RDX: variants seen among roughly 807,000 people sequenced by gnomAD.
RDX encodes radixin.
A neutral mutation model predicts 83.7 loss-of-function variants in RDX; 32 were observed. The ratio of observed to expected loss-of-function variants is 0.38; its 90% CI spans 0.29 to 0.51. The LOEUF (loss-of-function observed/expected upper bound fraction) is 0.51. Among genes scored for constraint, RDX ranks in the 20% least tolerant of loss-of-function variants. The pLI is 0.87. For missense variants in RDX, 600 were observed against 689.9 expected, an observed-to-expected ratio of 0.87 and a Z score of 1.46; for synonymous variants, 229 against 222.7, an observed-to-expected ratio of 1.03 and a Z score of -0.25.
rs75825160 is a variant in RDX, at chr11:110,217,714, C to T, written c.1748+14159G>A. Among the ~76,000 whole-genome samples, 16 of 152,274 alleles carry T rather than the reference C, an allele frequency of 1.1e-4. No homozygotes were observed. In the East Asian group the frequency reaches 3.1e-3, roughly 29 times the overall value. Reference sequence around the variant, plus strand: ...CAAGACCACTACTGCACTGAACATCCACTGAGATACGCCCTCGGCCCTAAA... The same window carrying T: ...CAAGACCACTACTGCACTGAACATCTACTGAGATACGCCCTCGGCCCTAAA... On this transcript the variant is annotated intron_variant, in intron 14 of 15. Coordinates refer to the RDX transcript ENST00000528498.
chr11:110,274,064 C>T (rs1172422951), intron 2 of RDX, among the ~76,000 whole-genome samples: 1 of 152,180 alleles, frequency 6.6e-6, no homozygotes, highest in African/African-American at 2.4e-5. Context: ...CACATTATAG[C>T]TTTCACCTGG....
chr11:110,233,166 C>T lies in RDX; in HGVS notation c.1587+71G>A, dbSNP rs561063117. The stretch of plus-strand genomic sequence containing the variant: ...ATTAAAACTTCTATATTCTTTTTAA[C>T]TAAGTTTGTCTAAGATGGGGAAAAT... On this transcript the variant is annotated intron_variant, in intron 13 of 13. Coordinates refer to ENST00000645495, the MANE Select transcript of RDX (RefSeq NM_002906.4). 1.3e-5 allele frequency: 20 copies of T among 1,581,040 alleles called. No individual in the cohort carries two copies. The African/African-American group carries it at 2.4e-4, about 19-fold the overall frequency.
chr11:110,266,998 G>T (rs1179016625), intron 3 of RDX, among the ~76,000 whole-genome samples: 2 of 151,716 alleles, frequency 1.3e-5, no homozygotes, highest in African/African-American at 4.8e-5. Flanking sequence ...CCCACCCCAG[G>T]CTCAAGTGAT....
At chr11:110,247,588 A>T in intron 10 of RDX, 115 bp downstream of exon 10, 1 of 1,064,864 alleles carries the variant, frequency 9.4e-7, no homozygotes. Context: ...TTTGCCAATT[A>T]AATATACAAT....
intron 14 of RDX, among the ~76,000 whole-genome samples, chr11:110,219,410 G>T (rs1184542839): frequency 1.3e-5 from 2 of 152,204 alleles, no homozygotes; most frequent in African/African-American, 4.8e-5. Context: ...ACCTCCGAAG[G>T]ATTTTGAGCA....
At chr11:110,183,062 T>G (rs990153695) in intron 15 of RDX, among the ~76,000 whole-genome samples, 2 of 152,150 alleles carry the variant, frequency 1.3e-5, no homozygotes, top group Non-Finnish European at 2.9e-5. Context: ...GTCAGCCCAC[T>G]GTGAGGACAG....
At chr11:110,237,808 G>C (rs1181047713) in intron 10 of RDX, 156 bp from the exon 11 acceptor site, 2 of 864,252 alleles carry the variant, frequency 2.3e-6, no homozygotes, top group African/African-American at 3.3e-5. Flanking sequence ...CTTGAGACAG[G>C]GTCTCGCTCT....
chr11:110,222,713 G>A (rs892535685), intron 14 of RDX, among the ~76,000 whole-genome samples: 5 of 152,040 alleles, frequency 3.3e-5, no homozygotes, highest in South Asian at 2.1e-4. Context: ...TGAGAATGGC[G>A]TGAACCCGGG....
At chr11:110,253,066 C>A (rs929620805) in intron 9 of RDX, among the ~76,000 whole-genome samples, 4 of 151,982 alleles carry the variant, frequency 2.6e-5, no homozygotes, top group Non-Finnish European at 5.9e-5. Flanking sequence ...AGGTAAAAAT[C>A]AATAAAATCT....
chr11:110,293,454 C>A (rs759168152), intron 1 of RDX, among the ~76,000 whole-genome samples: 8 of 152,058 alleles, frequency 5.3e-5, no homozygotes, highest in Non-Finnish European at 1.2e-4. Flanking sequence ...GTAGGAAAGG[C>A]AGGATTTCTC....
At chr11:110,179,684 A>G (rs543301968) in intron 15 of RDX, among the ~76,000 whole-genome samples, 10 of 152,174 alleles carry the variant, frequency 6.6e-5, no homozygotes, top group Non-Finnish European at 1.3e-4. Context: ...AAGGCAGGAG[A>G]ATCACTTGAA....
chr11:110,189,981 G>A (rs952095708), intron 15 of RDX, among the ~76,000 whole-genome samples: 3 of 152,178 alleles, frequency 2.0e-5, no homozygotes, highest in African/African-American at 7.2e-5. Context: ...TACTTGGGAG[G>A]CTGAGGCAGG....
At chr11:110,217,190 G>A (rs1253733465) in intron 14 of RDX, among the ~76,000 whole-genome samples, 5 of 152,182 alleles carry the variant, frequency 3.3e-5, no homozygotes, top group Non-Finnish European at 2.9e-5. Flanking sequence ...TCCTGTCCTT[G>A]ATTACATTTT....
At chr11:110,195,109 G>A (rs376318391) in intron 15 of RDX, among the ~76,000 whole-genome samples, 1 of 152,116 alleles carries the variant, frequency 6.6e-6, no homozygotes, top group East Asian at 1.9e-4. Context: ...TCCTGCCTCA[G>A]CCTCCCGAGT....
chr11:110,201,797 G>A (rs879929746), intron 14 of RDX, among the ~76,000 whole-genome samples: 4 of 152,054 alleles, frequency 2.6e-5, no homozygotes, highest in Non-Finnish European at 4.4e-5. Context: ...GTGCAATGGC[G>A]CCGTCTTGGC....
chr11:110,198,969 C>A (rs999658434), intron 15 of RDX, among the ~76,000 whole-genome samples: 1 of 152,046 alleles, frequency 6.6e-6, no homozygotes, highest in African/African-American at 2.4e-5. Flanking sequence ...GCATGCACCA[C>A]CACTCCTAAT....
At position 110,223,898 on chromosome 11, in the gene RDX, C is replaced by G. The variant is rs7118803; in HGVS notation, c.1748+7975G>C. Among the ~76,000 whole-genome samples, 1,433 of 152,076 alleles carry G rather than the reference C, an allele frequency of 9.4e-3. 31 individuals are homozygous for G. Among genetic ancestry groups the G allele is most frequent in the African/African-American group, 0.033 (1,364 of 41,460 alleles). ...CTGACCAACATGGAGAATGGAGAAA[C>G]CCCATCTCTACTAATAGAAAAATCA... is the stretch of plus-strand genomic sequence containing the variant. On this transcript the variant is annotated intron_variant, in intron 14 of 15. Transcript: ENST00000528498.
intron 5 of RDX, among the ~76,000 whole-genome samples, chr11:110,260,699 C>T (rs1243832983): frequency 6.6e-6 from 1 of 152,172 alleles, no homozygotes; most frequent in Non-Finnish European, 1.5e-5. Flanking sequence ...CAGGACTCCC[C>T]TTGGATACCA....
At chr11:110,267,512 CAAA>C in intron 3 of RDX, among the ~76,000 whole-genome samples, 1 of 102,112 alleles carries the variant, frequency 9.8e-6, no homozygotes, top group Non-Finnish European at 2.1e-5. Context: ...GACTCCGTCT[CAAA>C]ACACACACAC....
Sources: allele counts gnomAD v4.1 joint callset (sites outside exome capture counted in the v4.1 genomes callset), GRCh38; gene constraint gnomAD v4.1.1; transcripts MANE v1.5; gene names NCBI Gene and HGNC (gene_info 2026-07-23, HGNC 2026-07-21).